TENM3: variants seen among roughly 807,000 people sequenced by gnomAD.
TENM3 encodes the protein teneurin transmembrane protein 3.
A neutral mutation model predicts 255.1 loss-of-function variants in TENM3; 63 were observed. That is an observed-to-expected ratio of 0.25 (90% CI 0.20 to 0.30). The LOEUF is 0.30. TENM3 is among the 10% of genes least tolerant of loss of function. TENM3 has a pLI of 1.00. For missense variants in TENM3, 2,929 were observed against 3,461.1 expected (o/e 0.85, Z 3.86); for synonymous variants, 1,306 against 1,322.3 (o/e 0.99, Z 0.27).
At chr4:181,854,539 T>C in the TENM3 span, among the ~76,000 whole-genome samples, 1 of 152,216 alleles carries the variant, frequency 6.6e-6, no homozygotes, top group Non-Finnish European at 1.5e-5. Flanking sequence ...TTTACTACAC[T>C]GTTAAATTGC....
chr4:181,472,354 T>C, the TENM3 span, among the ~76,000 whole-genome samples: 1 of 150,704 alleles, frequency 6.6e-6, no homozygotes, highest in Non-Finnish European at 1.5e-5. Context: ...GACATTCGAG[T>C]GGCTGGAGAA....
At chr4:182,487,682 A>C (rs1033485048) in intron 3 of TENM3, among the ~76,000 whole-genome samples, 2 of 152,152 alleles carry the variant, frequency 1.3e-5, no homozygotes, top group Admixed American at 6.6e-5. Flanking sequence ...CATATTTTAC[A>C]AAATGTAAAA....
At chr4:182,392,340 G>T (rs911738051) in intron 3 of TENM3, among the ~76,000 whole-genome samples, 1 of 152,144 alleles carries the variant, frequency 6.6e-6, no homozygotes, top group Non-Finnish European at 1.5e-5. Context: ...AGCAAATGTT[G>T]ATTTACTCAC....
At chr4:181,960,059 C>T in the TENM3 span, among the ~76,000 whole-genome samples, 1 of 152,106 alleles carries the variant, frequency 6.6e-6, no homozygotes, top group Non-Finnish European at 1.5e-5. Flanking sequence ...GCATCATTTC[C>T]TAAACATTTG....
intron 2 of TENM3, among the ~76,000 whole-genome samples, chr4:182,339,791 T>TATCA (rs1290922357): frequency 6.6e-6 from 1 of 152,172 alleles, no homozygotes; most frequent in Non-Finnish European, 1.5e-5. Flanking sequence ...GCAGTTCGAC[T>TATCA]ATCAGATATC....
the TENM3 span, among the ~76,000 whole-genome samples, chr4:182,137,264 A>G: frequency 6.6e-6 from 1 of 151,956 alleles, no homozygotes; most frequent in African/African-American, 2.4e-5. Flanking sequence ...GAAAGTTCCC[A>G]TGAGTGAAGG....
At chr4:182,501,735 A>T (rs146752514) in intron 3 of TENM3, among the ~76,000 whole-genome samples, 180 of 152,292 alleles carry the variant, frequency 1.2e-3, no homozygotes, top group Middle Eastern at 0.01. Context: ...CATCTTTATT[A>T]TAAGCTTGTC....
chr4:182,543,107 A>G (rs2151896276), intron 3 of TENM3, among the ~76,000 whole-genome samples: 1 of 152,324 alleles, frequency 6.6e-6, no homozygotes, highest in African/African-American at 2.4e-5. Flanking sequence ...AGAAGGAACA[A>G]ACACACCAGT....
rs986479429 is a variant in TENM3, at chr4:182,789,669, G to A, written c.5601+280G>A. On this transcript the variant is annotated intron_variant, in intron 25 of 27. Transcript: ENST00000511685. The surrounding 1 kb of genome is among the most constrained non-coding windows in gnomAD (Gnocchi z 4.4). ...TGTCCACCTGCCAAGCTTACACATT[G>A]ACAACATTCACAAATTAGACCTTGA... Among the ~76,000 whole-genome samples, 8 of 152,224 alleles carry A rather than the reference G, an allele frequency of 5.3e-5. No individual in the cohort carries two copies. Among genetic ancestry groups the A allele is most frequent in the African/African-American group, 1.9e-4 (8 of 41,454 alleles).
At chr4:182,384,145 A>G (rs1258284401) in intron 3 of TENM3, among the ~76,000 whole-genome samples, 1 of 152,194 alleles carries the variant, frequency 6.6e-6, no homozygotes, top group African/African-American at 2.4e-5. Flanking sequence ...AATGATGCTC[A>G]GATCTTTCAC....
At chr4:182,527,492 T>TA (rs35017123) in intron 3 of TENM3, among the ~76,000 whole-genome samples, 5,909 of 148,242 alleles carry the variant, frequency 0.04, 211 homozygotes, top group East Asian at 0.11. Flanking sequence ...TCTGTTGGTT[T>TA]AAAAAAAAAA....
the TENM3 span, among the ~76,000 whole-genome samples, chr4:181,849,949 T>TCTCTCTCTCACACACACACACACA: frequency 2.3e-3 from 149 of 65,946 alleles, 2 homozygotes; most frequent in African/African-American, 4.6e-3. Flanking sequence ...TCTCTCTCTC[T>TCTCTCTCTCACACACACACACACA]CACACACACA....
the TENM3 span, among the ~76,000 whole-genome samples, chr4:181,544,987 G>C: frequency 1.3e-5 from 2 of 152,196 alleles, no homozygotes; most frequent in Non-Finnish European, 2.9e-5. Flanking sequence ...TTATAATTCT[G>C]AAACAGATAT....
chr4:181,849,945 TCTCTCACA>T, the TENM3 span, among the ~76,000 whole-genome samples: 21 of 30,978 alleles, frequency 6.8e-4, no homozygotes, highest in African/African-American at 1.2e-3. Context: ...TCTCTCTCTC[TCTCTCACA>T]CACACACACA....
At chr4:181,700,970 T>C in the TENM3 span, among the ~76,000 whole-genome samples, 1 of 152,190 alleles carries the variant, frequency 6.6e-6, no homozygotes, top group Non-Finnish European at 1.5e-5. Flanking sequence ...TTTTACACAC[T>C]TCAATAGAAA....
intron 2 of TENM3, among the ~76,000 whole-genome samples, chr4:182,341,386 A>C (rs1011835005): frequency 2.6e-5 from 4 of 152,192 alleles, no homozygotes; most frequent in Admixed American, 6.5e-5. Flanking sequence ...CTTTATTCAG[A>C]TTCAACTTAT....
chr4:182,183,056 T>A (rs1482651793), intron 1 of TENM3, among the ~76,000 whole-genome samples: 1 of 152,130 alleles, frequency 6.6e-6, no homozygotes, highest in Admixed American at 6.6e-5. Flanking sequence ...TTGTTCTGGT[T>A]AGGAGAAATA....
At chr4:182,689,220 G>C (rs1756827976) in intron 12 of TENM3, among the ~76,000 whole-genome samples, 2 of 152,152 alleles carry the variant, frequency 1.3e-5, no homozygotes, top group South Asian at 4.1e-4. Flanking sequence ...TTGTGGTATA[G>C]TATTTCTCCA....
chr4:182,730,424 G>A (rs1760599303), intron 15 of TENM3, 105 bp downstream of exon 15: 1 of 1,343,224 alleles, frequency 7.4e-7, no homozygotes, highest in Non-Finnish European at 1.0e-6. Context: ...TGGAAATGCA[G>A]CAACTTTTTA....
Sources: gnomAD v4.1 joint callset for allele counts (sites outside exome capture counted in the v4.1 genomes callset) on GRCh38, gnomAD v4.1.1 for gene constraint, Gnocchi (gnomAD v3.1) non-coding constraint, MANE v1.5 for transcripts, NCBI Gene and HGNC (gene_info 2026-07-23, HGNC 2026-07-21) for gene names.